The following PLXNA4 variants were observed in gnomAD, a reference collection of about 807,000 sequenced individuals.
PLXNA4 encodes plexin A4.
PLXNA4 carries 44 observed loss-of-function variants against 191.8 expected under a neutral mutation model. That is an observed-to-expected ratio of 0.23 (90% CI 0.18 to 0.29). The LOEUF is 0.29. Among genes scored for constraint, PLXNA4 ranks in the 10% least tolerant of loss-of-function variants. PLXNA4 has a pLI of 1.00. For missense variants in PLXNA4, 1,800 were observed against 2,488.8 expected (o/e 0.72, Z 5.89); for synonymous variants, 1,082 against 1,009.5 (o/e 1.07, Z -1.36).
intron 20 of PLXNA4, among the ~76,000 whole-genome samples, chr7:132,178,234 A>C (rs1460605033): frequency 2.0e-5 from 3 of 151,650 alleles, no homozygotes; most frequent in African/African-American, 4.9e-5. Flanking sequence ...ACACCCCCAG[A>C]CCTCCCCTCG....
chr7:132,500,211 C>T (rs574914355), intron 2 of PLXNA4, among the ~76,000 whole-genome samples: 32 of 152,204 alleles, frequency 2.1e-4, no homozygotes, highest in African/African-American at 7.0e-4. Flanking sequence ...GGAGGGAGGC[C>T]GAGGTGGGTG....
In PLXNA4 at chr7:132,355,917, T is replaced by C. The variant is rs776778059; in HGVS notation, c.1372-57695A>G. Among the ~76,000 whole-genome samples, 36 of 152,090 alleles carry C rather than the reference T, an allele frequency of 2.4e-4. 1 individual carries two copies. The highest frequency in any genetic ancestry group is 1.6e-4 in the Non-Finnish European group (11 of 68,028). ...TGTTAAATGATAGAGGGTAGATTTCTATAGTAGGACAAGGCTGAGAAATGA... is the reference window on the plus strand; with the variant it reads ...TGTTAAATGATAGAGGGTAGATTTCCATAGTAGGACAAGGCTGAGAAATGA... On this transcript the variant is annotated intron_variant, in intron 3 of 31. Transcript: ENST00000321063.
intron 1 of PLXNA4, among the ~76,000 whole-genome samples, chr7:132,569,302 T>A (rs1311311115): frequency 1.3e-5 from 2 of 152,196 alleles, no homozygotes; most frequent in African/African-American, 4.8e-5. Context: ...CTACCTCTCC[T>A]CCTTTGCTTC....
intron 31 of PLXNA4, among the ~76,000 whole-genome samples, chr7:132,132,463 T>TTCTGTTCTGC (rs1563048301): frequency 0.012 from 762 of 65,634 alleles, 58 homozygotes; most frequent in African/African-American, 0.036. Flanking sequence ...TTCTGTTCTG[T>TTCTGTTCTGC]TCTGCTCTGC....
intron 21 of PLXNA4, among the ~76,000 whole-genome samples, chr7:132,169,470 G>A (rs1022854262): frequency 6.6e-6 from 1 of 152,200 alleles, no homozygotes; most frequent in Non-Finnish European, 1.5e-5. Flanking sequence ...AACAGGTGGA[G>A]GAATTGTGGT....
intron 1 of PLXNA4, among the ~76,000 whole-genome samples, chr7:132,646,738 T>C (rs1262361109): frequency 6.6e-6 from 1 of 152,212 alleles, no homozygotes; most frequent in African/African-American, 2.4e-5. Flanking sequence ...TGAAAGAGGA[T>C]ATTTGAGATG....
At chr7:132,404,700 G>C (rs986517422) in intron 3 of PLXNA4, among the ~76,000 whole-genome samples, 5 of 152,194 alleles carry the variant, frequency 3.3e-5, no homozygotes, top group Non-Finnish European at 7.3e-5. Context: ...CCTGTTAAAG[G>C]GGGTGATAGT....
At chr7:132,273,344 A>G (rs963427858) in intron 4 of PLXNA4, among the ~76,000 whole-genome samples, 4 of 150,628 alleles carry the variant, frequency 2.7e-5, no homozygotes, top group African/African-American at 7.4e-5. Flanking sequence ...ACACACACGC[A>G]CACACACACA....
At chr7:132,504,137 C>A (rs867570955) in intron 2 of PLXNA4, among the ~76,000 whole-genome samples, 1 of 152,248 alleles carries the variant, frequency 6.6e-6, no homozygotes, top group South Asian at 2.1e-4. Flanking sequence ...CACAGCCGGC[C>A]TTCCCTGATT....
intron 3 of PLXNA4, among the ~76,000 whole-genome samples, chr7:132,401,065 C>A (rs951771471): frequency 6.6e-6 from 1 of 151,724 alleles, no homozygotes; most frequent in Non-Finnish European, 1.5e-5. Flanking sequence ...AAGGGAGAGA[C>A]CTTTGGCTGG....
chr7:132,354,062 C>T (rs943280429), intron 3 of PLXNA4, among the ~76,000 whole-genome samples: 1 of 152,132 alleles, frequency 6.6e-6, no homozygotes. Context: ...GTGGGACCTC[C>T]TGGAATGTTC....
At chr7:132,306,348 C>T (rs1345869852) in intron 3 of PLXNA4, among the ~76,000 whole-genome samples, 2 of 152,162 alleles carry the variant, frequency 1.3e-5, no homozygotes, top group African/African-American at 2.4e-5. Context: ...TCTCAGAAGC[C>T]TTGAGCACAT....
intron 22 of PLXNA4, among the ~76,000 whole-genome samples, chr7:132,166,325 A>ACTTCC (rs1796121195): frequency 1.3e-5 from 1 of 78,184 alleles, no homozygotes; most frequent in African/African-American, 3.1e-5. Flanking sequence ...CTTGAGTCTA[A>ACTTCC]CTTGCATCTT....
In PLXNA4 at chr7:132,452,537, C is replaced by A. The variant is rs539886891; in HGVS notation, c.1371+36755G>T. On this transcript the variant is annotated intron_variant, in intron 3 of 31. Coordinates refer to ENST00000321063, the MANE Select transcript of PLXNA4 (RefSeq NM_020911.2). ...GTTTCTAGTCTCGCATCTCTCCCTGCAAGGCTCATTAGTGAGCCCTCACAC... is the reference window on the plus strand; with the variant it reads ...GTTTCTAGTCTCGCATCTCTCCCTGAAAGGCTCATTAGTGAGCCCTCACAC... 2.8e-4 allele frequency among the ~76,000 whole-genome samples: 42 copies of A among 152,330 alleles called. No homozygotes were observed. In the South Asian group the frequency reaches 8.1e-3, roughly 29 times the overall value.
chr7:132,233,258 C>A (rs1387528573), intron 5 of PLXNA4, among the ~76,000 whole-genome samples: 2 of 152,170 alleles, frequency 1.3e-5, no homozygotes, highest in African/African-American at 4.8e-5. Context: ...AATTCATTAT[C>A]CTTGTCCTCC....
intron 1 of PLXNA4, among the ~76,000 whole-genome samples, chr7:132,513,825 C>T (rs1434360773): frequency 6.6e-6 from 1 of 151,966 alleles, no homozygotes; most frequent in African/African-American, 2.4e-5. Flanking sequence ...CAGGTGCCCA[C>T]CACCATGCCT....
At chr7:132,480,313 G>A (rs1264440368) in intron 3 of PLXNA4, among the ~76,000 whole-genome samples, 1 of 152,204 alleles carries the variant, frequency 6.6e-6, no homozygotes, top group Non-Finnish European at 1.5e-5. Flanking sequence ...GGAAAAAGAA[G>A]GTTGGATGTG....
intron 4 of PLXNA4, among the ~76,000 whole-genome samples, chr7:132,278,188 C>T (rs1486062076): frequency 6.6e-6 from 1 of 152,134 alleles, no homozygotes; most frequent in Non-Finnish European, 1.5e-5. Flanking sequence ...AGAAATGGTC[C>T]CTTACATACA....
intron 3 of PLXNA4, among the ~76,000 whole-genome samples, chr7:132,449,931 G>A (rs1796058283): frequency 6.6e-6 from 1 of 152,212 alleles, no homozygotes; most frequent in Non-Finnish European, 1.5e-5. Flanking sequence ...AACTTACAGA[G>A]CTCAGCGGCT....
Sources: allele counts gnomAD v4.1 joint callset (sites outside exome capture counted in the v4.1 genomes callset), GRCh38; gene constraint gnomAD v4.1.1; transcripts MANE v1.5; gene names NCBI Gene and HGNC (gene_info 2026-07-23, HGNC 2026-07-21).